Variants in RBPMS2 observed in about 807,000 individuals in gnomAD.
The protein encoded by RBPMS2 is RNA-binding protein with multiple splicing 2.
In RBPMS2, 14 loss-of-function variants were observed where a neutral mutation model predicts 25.7. That is an observed-to-expected ratio of 0.55 (90% CI 0.36 to 0.85). The LOEUF is 0.85. Ranked by LOEUF, RBPMS2 falls within the 40% of genes least tolerant of loss-of-function variation. The pLI is 0.01. For synonymous variants in RBPMS2, 127 were observed against 115.6 expected, an observed-to-expected ratio of 1.10 and a Z score of -0.63; for missense variants, 252 against 283.4, an observed-to-expected ratio of 0.89 and a Z score of 0.80.
chr15:64,747,878 C>A (rs1186355013), intron 6 of RBPMS2, among the ~76,000 whole-genome samples: 1 of 152,188 alleles, frequency 6.6e-6, no homozygotes, highest in African/African-American at 2.4e-5. Flanking sequence ...TTCATGGAAG[C>A]GAGAGCCAAC....
At chr15:64,745,035 A>C (rs1341501358) in intron 6 of RBPMS2, among the ~76,000 whole-genome samples, 2 of 151,564 alleles carry the variant, frequency 1.3e-5, no homozygotes, top group African/African-American at 4.8e-5. Context: ...GCTGGTCTTG[A>C]CCACCTGACC....
rs1454504947 is a variant in RBPMS2, at chr15:64,775,376, G to A, written c.-57C>T. 177 of 1,073,976 alleles carry A rather than the reference G, an allele frequency of 1.6e-4. No individual in the cohort carries two copies. Among genetic ancestry groups the A allele is most frequent in the Non-Finnish European group, 2.1e-4 (175 of 845,992 alleles). 66.5% of individuals were successfully genotyped at this position (1,073,976 alleles called of 1,614,324 possible). On this transcript the variant is annotated 5_prime_UTR_variant, in exon 1 of 8. Coordinates refer to ENST00000300069, the MANE Select transcript of RBPMS2 (RefSeq NM_194272.3). ...CGAGGGCGAGCGCGGCGCCGGCCCC[G>A]CGGGAAGTGGGAAGGGGCGCGGGGA... is the stretch of plus-strand genomic sequence containing the variant.
chr15:64,748,606 C>T lies in RBPMS2; in HGVS notation c.419-39G>A, dbSNP rs765564941. On this transcript the variant is annotated intron_variant, in intron 5 of 7. Transcript: ENST00000300069. ...CAATGGCCTCCATCATCAGAACACT[C>T]GCCTCCCCTTCCAAACGGAGAAGGG... 29 of 1,512,756 alleles carry T rather than the reference C, an allele frequency of 1.9e-5. 1 individual carries two copies. Among genetic ancestry groups the T allele is most frequent in the African/African-American group, 7.0e-5 (5 of 71,264 alleles). 93.7% of individuals were successfully genotyped at this position (1,512,756 alleles called of 1,614,324 possible). A position where few individuals can be genotyped will look rare whatever the true frequency, so the allele number is the denominator to read the frequency against.
At position 64,749,155 on chromosome 15, in the gene RBPMS2, A is replaced by G. The variant is rs763558341; in HGVS notation, c.268-5T>C. The G allele has an allele frequency of 6.2e-7, 1 of 1,613,824 alleles. No individual in the cohort carries two copies. Among genetic ancestry groups the G allele is most frequent in the South Asian group, 1.1e-5 (1 of 91,074 alleles). On this transcript the variant is annotated splice_region_variant and splice_polypyrimidine_tract_variant and intron_variant, in intron 4 of 7. Transcript: ENST00000300069. ...TTCGGGATCAAAGCGAATACCCTACATGGGTAGAGAAAAGAAGAGAAAGGC... is the reference window on the plus strand; with the variant it reads ...TTCGGGATCAAAGCGAATACCCTACGTGGGTAGAGAAAAGAAGAGAAAGGC...
At chr15:64,774,055 C>T (rs1304386896) in intron 1 of RBPMS2, among the ~76,000 whole-genome samples, 1 of 152,252 alleles carries the variant, frequency 6.6e-6, no homozygotes, top group Non-Finnish European at 1.5e-5. Flanking sequence ...CTGAAGGTCT[C>T]TGAATAGCCG....
At chr15:64,741,342 C>T (rs1390780525) in intron 6 of RBPMS2, 100 bp from the exon 7 acceptor site, 2 of 904,054 alleles carry the variant, frequency 2.2e-6, no homozygotes, top group East Asian at 2.6e-5. Flanking sequence ...AGTCCTGGTT[C>T]TGTCACTGAT....
At chr15:64,774,760 C>T (rs1379292256) in intron 1 of RBPMS2, among the ~76,000 whole-genome samples, 2 of 150,318 alleles carry the variant, frequency 1.3e-5, no homozygotes, top group Admixed American at 6.6e-5. Flanking sequence ...TCCAAGGTCA[C>T]GGGGAGGGGG....
rs1040038453 is a variant in RBPMS2, at chr15:64,751,050, A to G, written c.165+511T>C. Among the ~76,000 whole-genome samples the G allele has an allele frequency of 1.7e-4, 22 of 133,128 alleles. No homozygotes were observed. In the Admixed American group the frequency reaches 1.8e-3, roughly 11 times the overall value. The allele number at this position is 133,128 out of a possible 152,430, so 87.3% of individuals were successfully genotyped here. ...CTCTGTCTCAAAACAAAACAAACAA[A>G]AAGGACAAGCGCCGTGGCTCACACC... On this transcript the variant is annotated intron_variant, in intron 2 of 7. Coordinates refer to ENST00000300069, the MANE Select transcript of RBPMS2 (RefSeq NM_194272.3).
chr15:64,758,290 A>G (rs2083752172), intron 1 of RBPMS2, among the ~76,000 whole-genome samples: 2 of 152,248 alleles, frequency 1.3e-5, no homozygotes, highest in African/African-American at 4.8e-5. Flanking sequence ...GAGCAACCAC[A>G]GCCCTTCCAA....
chr15:64,743,493 G>C (rs1201783804), intron 6 of RBPMS2, among the ~76,000 whole-genome samples: 1 of 152,256 alleles, frequency 6.6e-6, no homozygotes, highest in African/African-American at 2.4e-5. Context: ...CGGGTGCCTG[G>C]CATAGGCCAG....
intron 1 of RBPMS2, among the ~76,000 whole-genome samples, chr15:64,754,988 C>T (rs1172007615): frequency 2.0e-5 from 3 of 152,180 alleles, no homozygotes; most frequent in Non-Finnish European, 4.4e-5. Flanking sequence ...AGCAGACCCA[C>T]GGAAACCTCT....
At chr15:64,763,640 G>C (rs1228739996) in intron 1 of RBPMS2, among the ~76,000 whole-genome samples, 1 of 152,218 alleles carries the variant, frequency 6.6e-6, no homozygotes, top group East Asian at 1.9e-4. Context: ...TTGAGCAACA[G>C]GTAGAACAGG....
Position 64,761,676 on chromosome 15 carries a change from G to A in RBPMS2, c.88-10038C>T, listed in dbSNP as rs373537882. Among the ~76,000 whole-genome samples the A allele has an allele frequency of 4.0e-5, 6 of 148,792 alleles. No homozygotes were observed. In the East Asian group the frequency reaches 1.2e-3, roughly 30 times the overall value. ...ATCTCCTGAGTAACTGGGACCACAG[G>A]TGCACACCACAAAGCCCAGCTTTTT... is the stretch of plus-strand genomic sequence containing the variant. On this transcript the variant is annotated intron_variant, in intron 1 of 7. Transcript: ENST00000300069.
intron 1 of RBPMS2, among the ~76,000 whole-genome samples, chr15:64,765,535 T>C (rs1555431390): frequency 6.7e-6 from 1 of 149,540 alleles, no homozygotes; most frequent in Non-Finnish European, 1.5e-5. Flanking sequence ...GCCGTAATCA[T>C]GCCACTACAC....
chr15:64,752,910 C>A (rs2083696173), intron 1 of RBPMS2, among the ~76,000 whole-genome samples: 1 of 152,136 alleles, frequency 6.6e-6, no homozygotes, highest in Non-Finnish European at 1.5e-5. Context: ...CCGTGCCCGG[C>A]TGATGCTGTG....
At chr15:64,754,698 C>T (rs1488891751) in intron 1 of RBPMS2, among the ~76,000 whole-genome samples, 1 of 151,276 alleles carries the variant, frequency 6.6e-6, no homozygotes, top group South Asian at 2.1e-4. Context: ...AGCAAAACTC[C>T]GTCTCAAAAA....
chr15:64,751,713 A>C, intron 1 of RBPMS2, 75 bp from the exon 2 acceptor site: 1 of 1,222,390 alleles, frequency 8.2e-7, no homozygotes, highest in Non-Finnish European at 1.2e-6. Flanking sequence ...TCCTTCAGGC[A>C]GGCAACTGGA....
intron 1 of RBPMS2, among the ~76,000 whole-genome samples, chr15:64,759,830 G>A (rs1274856546): frequency 6.6e-6 from 1 of 152,126 alleles, no homozygotes; most frequent in Non-Finnish European, 1.5e-5. Flanking sequence ...GCGCCACCAT[G>A]CCCGGCTAAT....
chr15:64,766,439 C>T (rs2083846704), intron 1 of RBPMS2, among the ~76,000 whole-genome samples: 1 of 152,064 alleles, frequency 6.6e-6, no homozygotes, highest in African/African-American at 2.4e-5. Flanking sequence ...AAGCAGAATA[C>T]AAGGAGGCTA....
Sources: gnomAD v4.1 joint callset for allele counts (sites outside exome capture counted in the v4.1 genomes callset) on GRCh38, gnomAD v4.1.1 for gene constraint, MANE v1.5 for transcripts, NCBI Gene and HGNC (gene_info 2026-07-23, HGNC 2026-07-21) for gene names.